APBA2: variants seen among roughly 807,000 people sequenced by gnomAD.
APBA2 encodes the protein amyloid beta precursor protein binding family A member 2, also known as amyloid-beta A4 precursor protein-binding family A member 2.
A neutral mutation model predicts 75.0 loss-of-function variants in APBA2; 30 were observed. The observed-to-expected ratio is 0.40, with a 90% CI of 0.30 to 0.54. The LOEUF is 0.54. Among genes scored for constraint, APBA2 ranks in the 20% least tolerant of loss-of-function variants. The pLI is 0.49. For missense variants in APBA2, 801 were observed against 1,016.1 expected, an observed-to-expected ratio of 0.79 and a Z score of 2.88; for synonymous variants, 444 against 409.6, an observed-to-expected ratio of 1.08 and a Z score of -1.01.
chr15:29,032,464 C>A (rs2040537094), intron 3 of APBA2, among the ~76,000 whole-genome samples: 1 of 152,214 alleles, frequency 6.6e-6, no homozygotes, highest in Admixed American at 6.5e-5. Context: ...TGCCGGCCTG[C>A]CCTGCAGATT....
chr15:28,943,209 T>C (rs1346753747), intron 2 of APBA2, among the ~76,000 whole-genome samples: 2 of 152,172 alleles, frequency 1.3e-5, no homozygotes, highest in Admixed American at 6.5e-5. Flanking sequence ...GTGAACATAC[T>C]AAAGGCTTCT....
intron 1 of APBA2, among the ~76,000 whole-genome samples, chr15:28,915,167 CCACATACATACCCCATA>C (rs2152657490): frequency 7.4e-5 from 9 of 121,946 alleles, no homozygotes; most frequent in East Asian, 2.7e-4. Flanking sequence ...ACACCACACA[CCACATACATACCCCATA>C]TATACCACAC....
At chr15:29,041,480 C>T (rs1486196811) in intron 3 of APBA2, among the ~76,000 whole-genome samples, 1 of 138,676 alleles carries the variant, frequency 7.2e-6, no homozygotes, top group Middle Eastern at 3.4e-3. Flanking sequence ...AAGACCCTGT[C>T]TCAGAAAAAA....
rs545826645 is a variant in APBA2 at position 28,980,350 on chromosome 15, A to G, written c.-94-15403A>G. 2.0e-5 allele frequency among the ~76,000 whole-genome samples: 3 copies of G among 152,352 alleles called. No homozygotes were observed. The East Asian group carries it at 5.8e-4, about 29-fold the overall frequency. ...AGAAAACCCTAAAGACTTTGCCAAA[A>G]GGCTCCTGTAACTGATAAACAACTT... On this transcript the variant is annotated intron_variant, in intron 2 of 14. Coordinates refer to ENST00000683413, the MANE Select transcript of APBA2 (RefSeq NM_001353788.2).
intron 3 of APBA2, among the ~76,000 whole-genome samples, chr15:29,037,190 A>G (rs1342039302): frequency 6.6e-6 from 1 of 152,236 alleles, no homozygotes; most frequent in Non-Finnish European, 1.5e-5. Context: ...GTGATTGAGT[A>G]ACCTGTAATT....
intron 6 of APBA2, among the ~76,000 whole-genome samples, chr15:29,088,825 C>T (rs542394257): frequency 3.2e-4 from 49 of 152,302 alleles, no homozygotes; most frequent in Admixed American, 2.5e-3. Context: ...TCCCCACCCT[C>T]GACTTGTCTC....
chr15:28,919,682 C>A (rs1372165283), intron 1 of APBA2, among the ~76,000 whole-genome samples: 6 of 152,188 alleles, frequency 3.9e-5, no homozygotes, highest in Non-Finnish European at 8.8e-5. Flanking sequence ...GAGCATCCTG[C>A]AGCTGTCTTG....
chr15:29,003,440 GCT>G (rs1384857164), intron 3 of APBA2, among the ~76,000 whole-genome samples: 1 of 152,164 alleles, frequency 6.6e-6, no homozygotes. Context: ...CTAGACTCTT[GCT>G]GTTTGAGGAA....
chr15:29,013,366 G>A (rs1183922632), intron 3 of APBA2, among the ~76,000 whole-genome samples: 2 of 140,322 alleles, frequency 1.4e-5, no homozygotes, highest in African/African-American at 5.3e-5. Flanking sequence ...TGCGAGCTCC[G>A]CCTCACGGGT....
At chr15:29,013,096 C>T (rs571297268) in intron 3 of APBA2, among the ~76,000 whole-genome samples, 28 of 152,086 alleles carry the variant, frequency 1.8e-4, no homozygotes, top group Admixed American at 1.2e-3. Context: ...TAGTCTGACA[C>T]AAGCTAGTGC....
chr15:28,894,347 G>A (rs1225469181), intron 1 of APBA2, among the ~76,000 whole-genome samples: 4 of 152,292 alleles, frequency 2.6e-5, no homozygotes, highest in Non-Finnish European at 4.4e-5. Flanking sequence ...GATCAGGAGG[G>A]AGGGCATGGA....
At chr15:29,098,649 G>A in intron 9 of APBA2, 73 bp downstream of exon 9, 3 of 1,248,076 alleles carry the variant, frequency 2.4e-6, no homozygotes, top group African/African-American at 2.9e-5. Context: ...CATGGTATAG[G>A]CCCTCGTTCT....
chr15:29,055,730 G>A (rs1279608272), intron 4 of APBA2, among the ~76,000 whole-genome samples: 1 of 148,636 alleles, frequency 6.7e-6, no homozygotes, highest in Non-Finnish European at 1.5e-5. Flanking sequence ...GCTTGGGTTT[G>A]GAATGGAAAT....
At position 29,053,840 on chromosome 15, in the gene APBA2, C is replaced by G. The variant is rs767343117; in HGVS notation, c.-40-5C>G. 3.2e-6 allele frequency: 5 copies of G among 1,559,820 alleles called. No homozygotes were observed. In the East Asian group the frequency reaches 9.2e-5, roughly 29 times the overall value. ...CTCTGTCCTTCCCAATGTTCCTCCC[C>G]ACAGTGGCTGCCTCCGGGTGATGAT... On this transcript the variant is annotated splice_region_variant and splice_polypyrimidine_tract_variant and intron_variant, in intron 3 of 14. Coordinates refer to ENST00000683413, the MANE Select transcript of APBA2 (RefSeq NM_001353788.2).
intron 4 of APBA2, among the ~76,000 whole-genome samples, chr15:29,074,436 G>C (rs1356285695): frequency 6.6e-6 from 1 of 152,194 alleles, no homozygotes; most frequent in Non-Finnish European, 1.5e-5. Context: ...TACATGAGGG[G>C]CATAGAGCTG....
At chr15:28,968,567 A>G (rs1241715361) in intron 2 of APBA2, among the ~76,000 whole-genome samples, 1 of 152,126 alleles carries the variant, frequency 6.6e-6, no homozygotes, top group Non-Finnish European at 1.5e-5. Flanking sequence ...GCAGGATTAG[A>G]GGAAGTGCTC....
intron 4 of APBA2, among the ~76,000 whole-genome samples, chr15:29,074,312 TAAAG>T (rs1157804987): frequency 6.6e-6 from 1 of 152,154 alleles, no homozygotes; most frequent in East Asian, 1.9e-4. Flanking sequence ...ATTCAGCCCT[TAAAG>T]GAAGGAAATT....
intron 2 of APBA2, among the ~76,000 whole-genome samples, chr15:28,940,069 G>A (rs139287029): frequency 4.6e-5 from 7 of 152,292 alleles, no homozygotes; most frequent in African/African-American, 1.7e-4. Flanking sequence ...GGTAGTGAGA[G>A]TCTCAGCATT....
intron 2 of APBA2, among the ~76,000 whole-genome samples, chr15:28,958,542 T>C (rs915056604): frequency 6.6e-6 from 1 of 152,252 alleles, no homozygotes; most frequent in Non-Finnish European, 1.5e-5. Flanking sequence ...TAGGTAAATC[T>C]CTTGCTGAAG....
Sources: allele counts gnomAD v4.1 joint callset (sites outside exome capture counted in the v4.1 genomes callset), GRCh38; gene constraint gnomAD v4.1.1; transcripts MANE v1.5; gene names NCBI Gene and HGNC (gene_info 2026-07-23, HGNC 2026-07-21).